The following DCAF1 variants were observed in gnomAD, a reference collection of about 807,000 sequenced individuals.
DCAF1 encodes DDB1 and CUL4 associated factor 1.
In DCAF1, 15 loss-of-function variants were observed where a neutral mutation model predicts 128.0. The observed-to-expected ratio is 0.12, with a 90% CI of 0.08 to 0.18. DCAF1 has a LOEUF of 0.18. Ranked by LOEUF, DCAF1 falls within the 10% of genes least tolerant of loss-of-function variation. The pLI is 1.00. For synonymous variants in DCAF1, 610 were observed against 603.0 expected (o/e 1.01, Z -0.17); for missense variants, 988 against 1,649.5 (o/e 0.60, Z 6.95).
At chr3:51,403,423 T>C (rs560606024) in intron 23 of DCAF1, 28 bp from the exon 24 acceptor site, 17 of 1,550,696 alleles carry the variant, frequency 1.1e-5, no homozygotes, top group Middle Eastern at 1.7e-4. Context: ...TGTTCATTAG[T>C]ACAAACACAG....
chr3:51,479,812 T>A (rs1048194096), intron 3 of DCAF1, among the ~76,000 whole-genome samples: 1 of 151,796 alleles, frequency 6.6e-6, no homozygotes, highest in Admixed American at 6.6e-5. Flanking sequence ...TAAAATAAAA[T>A]AAAATAAAAT....
intron 3 of DCAF1, among the ~76,000 whole-genome samples, chr3:51,474,125 A>AT (rs1258778488): frequency 6.6e-6 from 1 of 151,908 alleles, no homozygotes; most frequent in Admixed American, 6.6e-5. Flanking sequence ...AGTCTTAAGA[A>AT]TTAAACTCTC....
intron 3 of DCAF1, 113 bp downstream of exon 3, chr3:51,483,606 A>AGTTT: frequency 2.0e-6 from 1 of 511,916 alleles, no homozygotes; most frequent in South Asian, 3.1e-5. Flanking sequence ...TTTTTAAACT[A>AGTTT]GTTTGTGTGT....
At chr3:51,424,890 G>A (rs927531629) in intron 13 of DCAF1, among the ~76,000 whole-genome samples, 8 of 152,248 alleles carry the variant, frequency 5.3e-5, no homozygotes, top group African/African-American at 1.9e-4. Flanking sequence ...TGGGGAGGCA[G>A]AAAAAGAACT....
At position 51,398,641 on chromosome 3, in the gene DCAF1, T is replaced by A. The variant is rs945788474; in HGVS notation, c.*128A>T. The A allele has an allele frequency of 3.9e-6, 5 of 1,279,058 alleles. No individual in the cohort carries two copies. The African/African-American group carries it at 7.4e-5, about 19-fold the overall frequency. The allele number at this position is 1,279,058 out of a possible 1,614,324, so 79.2% of individuals were successfully genotyped here. A position where few individuals can be genotyped will look rare whatever the true frequency, so the allele number is the denominator to read the frequency against. ...AATGAGGCTCTCTAAGCCATAATCT[T>A]CTGAATGCAGGGCATGCAGCTCCTT... On this transcript the variant is annotated 3_prime_UTR_variant, in exon 25 of 25. Transcript: ENST00000684031.
At chr3:51,467,867 T>G (rs1435779280) in intron 4 of DCAF1, among the ~76,000 whole-genome samples, 2 of 151,992 alleles carry the variant, frequency 1.3e-5, no homozygotes, top group Non-Finnish European at 2.9e-5. Flanking sequence ...TGACTCCCCA[T>G]CCATAAAAAG....
chr3:51,411,853 T>C (rs1415887787), intron 23 of DCAF1, among the ~76,000 whole-genome samples: 10 of 152,032 alleles, frequency 6.6e-5, no homozygotes, highest in Admixed American at 6.6e-4. Context: ...CTCATGCTTA[T>C]ACTCCACGCA....
rs782311540 is a variant in DCAF1, at chr3:51,441,857, T to C, written c.554A>G (p.Gln185Arg). 2.5e-6 allele frequency: 4 copies of C among 1,611,664 alleles called. No individual in the cohort carries two copies. Among genetic ancestry groups the C allele is most frequent in the Non-Finnish European group, 1.7e-6 (2 of 1,179,792 alleles). Residue 185 changes from glutamine to arginine, a missense_variant, in exon 8 of 25, where the codon CAG (glutamine) becomes CGG (arginine). Coordinates refer to ENST00000684031, the MANE Select transcript of DCAF1 (RefSeq NM_001387579.1). ...VLRRLRELQLQEVALRQENKR... is the reference protein window; with the variant it reads ...VLRRLRELQLREVALRQENKR... The stretch of plus-strand genomic sequence containing the variant: ...GTTTTCCTGCCGCAAAGCCACTTCC[T>C]GTAGCTGTAGCTCCCTCAGTCTTCG...
chr3:51,458,050 T>C (rs1248237281), intron 6 of DCAF1, among the ~76,000 whole-genome samples: 1 of 152,170 alleles, frequency 6.6e-6, no homozygotes, highest in Non-Finnish European at 1.5e-5. Flanking sequence ...CAGGATCAAA[T>C]TCACACATAA....
chr3:51,488,261 C>T (rs1707207454), intron 2 of DCAF1, among the ~76,000 whole-genome samples: 1 of 152,208 alleles, frequency 6.6e-6, no homozygotes, highest in Admixed American at 6.6e-5. Flanking sequence ...ATGAAACCAT[C>T]ATTACTGATA....
chr3:51,460,132 T>C (rs1216614452), intron 6 of DCAF1, among the ~76,000 whole-genome samples: 2 of 152,192 alleles, frequency 1.3e-5, no homozygotes, highest in South Asian at 2.1e-4. Flanking sequence ...TGTTGGCAGA[T>C]GACATGATTG....
At chr3:51,443,562 C>A (rs1366883655) in intron 7 of DCAF1, among the ~76,000 whole-genome samples, 1 of 151,710 alleles carries the variant, frequency 6.6e-6, no homozygotes, top group Non-Finnish European at 1.5e-5. Flanking sequence ...TGCACTCCAA[C>A]CCGGGCAACA....
At chr3:51,426,815 C>T (rs1699948117) in intron 13 of DCAF1, among the ~76,000 whole-genome samples, 1 of 150,458 alleles carries the variant, frequency 6.6e-6, no homozygotes, top group African/African-American at 2.4e-5. Context: ...TCTTAAGACC[C>T]CATCTTTTTC....
chr3:51,437,614 G>C (rs1469892339), intron 9 of DCAF1, among the ~76,000 whole-genome samples: 4 of 152,128 alleles, frequency 2.6e-5, no homozygotes, highest in Admixed American at 2.6e-4. Flanking sequence ...AGGAGTTCGA[G>C]AGTAGCTTGG....
chr3:51,419,707 AG>A (rs781997109), intron 15 of DCAF1, 26 bp downstream of exon 15: 49 of 1,564,936 alleles, frequency 3.1e-5, no homozygotes, highest in Non-Finnish European at 3.9e-5. Context: ...TCCAATTCCC[AG>A]GGAGTAAGAA....
intron 4 of DCAF1, among the ~76,000 whole-genome samples, chr3:51,468,591 CTA>C (rs1335926610): frequency 6.6e-6 from 1 of 152,134 alleles, no homozygotes; most frequent in Non-Finnish European, 1.5e-5. Context: ...TGAGCTGCTG[CTA>C]TGTTTTTACC....
chr3:51,488,540 G>C (rs557668305), intron 2 of DCAF1, among the ~76,000 whole-genome samples: 73 of 152,012 alleles, frequency 4.8e-4, no homozygotes, highest in Non-Finnish European at 8.4e-4. Context: ...GGCCTGGCAC[G>C]GTGGCTCACG....
chr3:51,491,493 A>C (rs1229080761), intron 2 of DCAF1, among the ~76,000 whole-genome samples: 3 of 152,174 alleles, frequency 2.0e-5, no homozygotes, highest in African/African-American at 7.2e-5. Context: ...ATAAGCACTC[A>C]CATCTATGAT....
intron 20 of DCAF1, 38 bp downstream of exon 20, chr3:51,413,912 C>A: frequency 7.0e-7 from 1 of 1,435,004 alleles, no homozygotes; most frequent in Non-Finnish European, 9.2e-7. Flanking sequence ...AGGGGTAGAG[C>A]AAAAGGAAAG....
Sources: gnomAD v4.1 joint callset for allele counts (sites outside exome capture counted in the v4.1 genomes callset) on GRCh38, gnomAD v4.1.1 for gene constraint, MANE v1.5 for transcripts, NCBI Gene and HGNC (gene_info 2026-07-23, HGNC 2026-07-21) for gene names.